Variants in ADAMTS17 observed in about 807,000 individuals in gnomAD.
ADAMTS17 encodes the protein A disintegrin and metalloproteinase with thrombospondin motifs 17.
In ADAMTS17, 113 loss-of-function variants were observed where a neutral mutation model predicts 141.5. The observed-to-expected ratio is 0.80, with a 90% CI of 0.69 to 0.93. The LOEUF (loss-of-function observed/expected upper bound fraction) is 0.93. Ranked by LOEUF, ADAMTS17 falls within the 40% of genes least tolerant of loss-of-function variation. The pLI, the probability that ADAMTS17 is intolerant of heterozygous loss-of-function variation, is 0.00. For missense variants in ADAMTS17, 1,659 were observed against 1,517.9 expected (o/e 1.09, Z -1.54); for synonymous variants, 768 against 630.6 (o/e 1.22, Z -3.27).
chr15:100,293,660 C>G (rs2044718071), intron 3 of ADAMTS17, among the ~76,000 whole-genome samples: 1 of 152,110 alleles, frequency 6.6e-6, no homozygotes, highest in Admixed American at 6.5e-5. Context: ...GGCCACCTAC[C>G]CCCAGCTCTC....
chr15:100,249,762 G>A (rs982610427), intron 7 of ADAMTS17, among the ~76,000 whole-genome samples: 3 of 152,318 alleles, frequency 2.0e-5, no homozygotes, highest in East Asian at 3.9e-4. Flanking sequence ...GTATTTTTAC[G>A]GAAGCCCCAA....
chr15:100,049,587 A>C (rs1033141564), intron 17 of ADAMTS17, among the ~76,000 whole-genome samples: 1 of 152,198 alleles, frequency 6.6e-6, no homozygotes. Context: ...TATCCCAAAT[A>C]GATGTAGCCC....
At chr15:100,279,917 G>A (rs546107518) in intron 4 of ADAMTS17, among the ~76,000 whole-genome samples, 1 of 152,068 alleles carries the variant, frequency 6.6e-6, no homozygotes, top group Non-Finnish European at 1.5e-5. Context: ...CATTCCATCT[G>A]GCATTGTTAA....
chr15:100,239,841 A>G (rs1432597521), intron 7 of ADAMTS17, among the ~76,000 whole-genome samples: 4 of 152,124 alleles, frequency 2.6e-5, no homozygotes, highest in Admixed American at 2.6e-4. Flanking sequence ...CAACCCCTGG[A>G]GTGGAGGGAT....
At chr15:100,289,543 C>A (rs912616460) in intron 3 of ADAMTS17, among the ~76,000 whole-genome samples, 1 of 126,960 alleles carries the variant, frequency 7.9e-6, no homozygotes, top group Admixed American at 7.8e-5. Context: ...CACACATACA[C>A]ACACTCACAC....
At chr15:100,307,750 C>T (rs983886016) in intron 3 of ADAMTS17, among the ~76,000 whole-genome samples, 5 of 152,192 alleles carry the variant, frequency 3.3e-5, no homozygotes, top group Non-Finnish European at 4.4e-5. Context: ...CCAGGTGTGG[C>T]TGGCGTCCTC....
intron 15 of ADAMTS17, 59 bp downstream of exon 15, chr15:100,096,297 G>A: frequency 6.2e-7 from 1 of 1,607,076 alleles, no homozygotes; most frequent in Non-Finnish European, 8.5e-7. Flanking sequence ...GCAATCAATA[G>A]CTGTAGGCAA....
chr15:100,264,079 C>T (rs75721095), intron 4 of ADAMTS17, among the ~76,000 whole-genome samples: 15 of 152,210 alleles, frequency 9.9e-5, no homozygotes, highest in African/African-American at 2.7e-4. Context: ...CTTTGTGTGA[C>T]GTAATATTCT....
chr15:100,124,424 T>C (rs546301784), intron 12 of ADAMTS17, among the ~76,000 whole-genome samples: 16 of 152,220 alleles, frequency 1.1e-4, no homozygotes, highest in Non-Finnish European at 1.9e-4. Flanking sequence ...CCCAGCCAGA[T>C]ACTGCTACAC....
chr15:100,319,905 G>C (rs893597750), intron 3 of ADAMTS17, among the ~76,000 whole-genome samples: 16 of 152,114 alleles, frequency 1.1e-4, no homozygotes, highest in African/African-American at 3.4e-4. Context: ...ACTCCAGCCT[G>C]GGCAGCAAGA....
intron 2 of ADAMTS17, among the ~76,000 whole-genome samples, chr15:100,332,991 T>C (rs923306924): frequency 2.6e-5 from 4 of 152,046 alleles, no homozygotes; most frequent in Admixed American, 2.6e-4. Context: ...TGTCCCCAGG[T>C]TCCTTCAAGC....
intron 8 of ADAMTS17, among the ~76,000 whole-genome samples, chr15:100,159,660 G>T (rs1179595204): frequency 6.6e-6 from 1 of 152,220 alleles, no homozygotes. Context: ...CATTGCATGT[G>T]GACCAGGTCA....
intron 7 of ADAMTS17, among the ~76,000 whole-genome samples, chr15:100,245,252 C>T (rs990907546): frequency 2.0e-5 from 3 of 152,216 alleles, no homozygotes; most frequent in South Asian, 2.1e-4. Flanking sequence ...AGAATCCCCT[C>T]GCAGGCAGGG....
intron 7 of ADAMTS17, 152 bp downstream of exon 7, chr15:100,253,984 A>G: frequency 1.4e-6 from 1 of 732,050 alleles, no homozygotes; most frequent in African/African-American, 1.8e-5. Context: ...AGGAAAATAA[A>G]AAAAGGAAAG....
chr15:100,029,014 C>T (rs745534625), intron 18 of ADAMTS17, among the ~76,000 whole-genome samples: 1 of 152,202 alleles, frequency 6.6e-6, no homozygotes, highest in Non-Finnish European at 1.5e-5. Flanking sequence ...CGCTGTCTGG[C>T]CCGAGCTGCC....
rs758439441 is a variant in ADAMTS17, at chr15:99,976,215, G to A, written c.2957C>T (p.Ser986Leu). The stretch of plus-strand genomic sequence containing the variant: ...GGACTGCAGGCCCTTCCCGCAGGTC[G>A]ACGAGCACTGCAGAGACAGGACAGC... ...WKTGDWSTCS[S>L]TCGKGLQSRV... is the part of the protein sequence containing the mutation. The change falls in exon 21 of 22, where the codon TCG (serine) becomes TTG (leucine). Residue 986 changes from serine to leucine, a missense_variant. Physicochemically the swap from Ser to Leu is moderately radical, Grantham distance 145. Transcript: ENST00000268070. 1.6e-5 allele frequency: 25 copies of A among 1,545,504 alleles called. No homozygotes were observed. Among genetic ancestry groups the A allele is most frequent in the South Asian group, 8.3e-5 (7 of 84,072 alleles).
In ADAMTS17 at chr15:100,261,528, C is replaced by T. The variant is rs768922225; in HGVS notation, c.982G>A (p.Gly328Ser). Residue 328 changes from glycine (G) to serine (S), a missense_variant, in exon 6 of 22, where the codon GGC (glycine) becomes AGC (serine). Gly to Ser is a moderately conservative substitution (Grantham distance 56, BLOSUM62 0). Coordinates refer to ENST00000268070, the MANE Select transcript of ADAMTS17 (RefSeq NM_139057.4). ...ARYLGNNQVPGGKDDPPLVDA... is the reference protein window; with the variant it reads ...ARYLGNNQVPSGKDDPPLVDA... ...ACCAGGGGCGGGTCGTCCTTCCCGCCGGGAACCTGGTTATTGCCGAGGTAT... is the reference window on the plus strand; with the variant it reads ...ACCAGGGGCGGGTCGTCCTTCCCGCTGGGAACCTGGTTATTGCCGAGGTAT... The T allele has an allele frequency of 4.3e-6, 7 of 1,614,190 alleles. No individual in the cohort carries two copies. In the South Asian group the frequency reaches 5.5e-5, roughly 13 times the overall value.
chr15:100,046,901 C>T (rs530311723), intron 18 of ADAMTS17, among the ~76,000 whole-genome samples: 12 of 152,306 alleles, frequency 7.9e-5, no homozygotes, highest in African/African-American at 2.4e-4. Flanking sequence ...ATAACAGCAA[C>T]ATTCAGGGAA....
chr15:100,241,416 G>A (rs1479256519), intron 7 of ADAMTS17, among the ~76,000 whole-genome samples: 2 of 152,202 alleles, frequency 1.3e-5, no homozygotes, highest in Admixed American at 1.3e-4. Flanking sequence ...AGTATTTCAA[G>A]GGCAGGATCT....
Sources: gnomAD v4.1 joint callset for allele counts (sites outside exome capture counted in the v4.1 genomes callset) on GRCh38, gnomAD v4.1.1 for gene constraint, MANE v1.5 for transcripts, NCBI Gene and HGNC (gene_info 2026-07-23, HGNC 2026-07-21) for gene names.